Variants in INO80C observed in about 807,000 individuals in gnomAD.
INO80C encodes IES6 homolog.
INO80C carries 17 observed loss-of-function variants against 17.7 expected under a neutral mutation model. The observed-to-expected ratio is 0.96, with a 90% CI of 0.66 to 1.44. The LOEUF is 1.44. INO80C is among the 40% of genes most tolerant of loss of function. The pLI is 0.00. For missense variants in INO80C, 244 were observed against 245.0 expected (o/e 1.00, Z 0.03); for synonymous variants, 96 against 95.8 (o/e 1.00, Z -0.01).
At chr18:35,497,673 C>A in intron 1 of INO80C, 46 bp downstream of exon 1, 1 of 1,585,310 alleles carries the variant, frequency 6.3e-7, no homozygotes, top group Non-Finnish European at 8.6e-7. Context: ...CCCGCCAAGT[C>A]CCGTTTCGCG....
chr18:35,485,503 C>A (rs72959002), intron 1 of INO80C, among the ~76,000 whole-genome samples: 5,519 of 152,204 alleles, frequency 0.036, 134 homozygotes, highest in Non-Finnish European at 0.054. Flanking sequence ...CAATGAAATT[C>A]CAGTGCACAC....
intron 1 of INO80C, chr18:35,497,259 CA>C (rs914711975): frequency 1.0e-5 from 9 of 897,208 alleles, no homozygotes; most frequent in African/African-American, 5.4e-5. Flanking sequence ...AACCCAGGGT[CA>C]AAAAAGCACT....
At position 35,468,643 on chromosome 18, in the gene INO80C, C is replaced by T; in HGVS notation, c.547G>A (p.Ala183Thr). 6.2e-7 allele frequency: 1 copy of T among 1,614,046 alleles called. No homozygotes were observed. Among genetic ancestry groups the T allele is most frequent in the Non-Finnish European group, 8.5e-7 (1 of 1,179,982 alleles). ...LPSDVVTGYL[A>T]LRKATSIVP Reference sequence around the variant, plus strand: ...ACGATGCTCGTGGCCTTCCTCAGGGCCAGGTAGCCGGTGACGACGTCAGAG... The same window carrying T: ...ACGATGCTCGTGGCCTTCCTCAGGGTCAGGTAGCCGGTGACGACGTCAGAG... Residue 183 changes from alanine to threonine, a missense_variant, in exon 5 of 5, where the codon GCC becomes ACC. Coordinates refer to ENST00000334598, the MANE Select transcript of INO80C (RefSeq NM_194281.4).
chr18:35,488,452 A>G (rs911800646), intron 1 of INO80C, among the ~76,000 whole-genome samples: 2 of 151,956 alleles, frequency 1.3e-5, no homozygotes, highest in Admixed American at 6.6e-5. Context: ...CCAGGCTTGG[A>G]GCTTGCACTC....
intron 1 of INO80C, among the ~76,000 whole-genome samples, chr18:35,494,594 T>C (rs355333): frequency 0.75 from 114,529 of 152,108 alleles, 43,289 homozygotes; most frequent in East Asian, 0.98. Context: ...ACAGGGGCCC[T>C]GCAGTCCTGC....
chr18:35,487,008 G>A (rs1342826785), intron 1 of INO80C, among the ~76,000 whole-genome samples: 1 of 152,016 alleles, frequency 6.6e-6, no homozygotes, highest in African/African-American at 2.4e-5. Flanking sequence ...AATAAAATAG[G>A]CTATTTATAG....
At chr18:35,474,787 T>C (rs935229088) in intron 4 of INO80C, among the ~76,000 whole-genome samples, 2 of 152,108 alleles carry the variant, frequency 1.3e-5, no homozygotes, top group South Asian at 2.1e-4. Flanking sequence ...ATTAGAGAGA[T>C]AAACGATGCT....
At chr18:35,488,606 T>G (rs355323) in intron 1 of INO80C, among the ~76,000 whole-genome samples, 3 of 152,016 alleles carry the variant, frequency 2.0e-5, no homozygotes, top group African/African-American at 4.8e-5. Context: ...CACTAGGCAC[T>G]GGGCCTGTGA....
intron 1 of INO80C, chr18:35,489,375 GA>G: frequency 3.8e-6 from 1 of 260,324 alleles, no homozygotes; most frequent in South Asian, 3.6e-5. Flanking sequence ...GGTGGAAGGC[GA>G]AAGGCACGTC....
Position 35,478,335 on chromosome 18 carries a change from C to T in INO80C, c.394G>A (p.Ala132Thr), listed in dbSNP as rs779242532. ...LNDPNYFSID[A>T]PPSFKPAKKY... ...TTAGCTGGCTTAAAGGATGGAGGAG[C>T]ATCAATACTGAAGTCTGGGAAAAAA... Residue 132 changes from alanine (A) to threonine (T), a missense_variant, in exon 4 of 5, where the codon GCT (alanine) becomes ACT (threonine). Physicochemically the swap from Ala to Thr is moderately conservative, Grantham distance 58 (BLOSUM62 0). Coordinates refer to ENST00000334598, the MANE Select transcript of INO80C (RefSeq NM_194281.4). 1 of 1,551,090 alleles carries T rather than the reference C, an allele frequency of 6.4e-7. No homozygotes were observed. Among genetic ancestry groups the T allele is most frequent in the South Asian group, 1.2e-5 (1 of 86,778 alleles).
rs58465669 is a variant in INO80C, at chr18:35,474,207, C to CTATATATATATATATA, written c.447+4059_447+4074dup. Among the ~76,000 whole-genome samples, 110 of 58,044 alleles carry CTATATATATATATATA rather than the reference C, an allele frequency of 1.9e-3. 8 individuals are homozygous for CTATATATATATATATA. The highest frequency in any genetic ancestry group is 2.8e-3 in the Non-Finnish European group (84 of 30,096). The allele number at this position is 58,044 out of a possible 152,430, so 38.1% of individuals were successfully genotyped here. A position where few individuals can be genotyped will look rare whatever the true frequency, so the allele number is the denominator to read the frequency against. On this transcript the variant is annotated intron_variant, in intron 4 of 4. Coordinates refer to ENST00000334598, the MANE Select transcript of INO80C (RefSeq NM_194281.4). The stretch of plus-strand genomic sequence containing the variant: ...TATATGTGTATATGTGTGTGTGTGT[C>CTATATATATATATATA]TATATATATATATATATATATATAT...
intron 1 of INO80C, among the ~76,000 whole-genome samples, chr18:35,486,563 A>G (rs2045876336): frequency 6.6e-6 from 1 of 152,204 alleles, no homozygotes; most frequent in Admixed American, 6.5e-5. Context: ...TAAAAGAAGG[A>G]ATGAATAAAG....
intron 3 of INO80C, chr18:35,478,970 T>A: frequency 4.5e-6 from 1 of 221,448 alleles, no homozygotes; most frequent in Non-Finnish European, 8.9e-6. Context: ...CTAAATCTGG[T>A]ATTATACTTG....
chr18:35,491,915 G>C (rs1007795853), intron 1 of INO80C, among the ~76,000 whole-genome samples: 2 of 152,160 alleles, frequency 1.3e-5, no homozygotes, highest in Non-Finnish European at 2.9e-5. Context: ...AAGTCTCAGG[G>C]AAGAGAAATC....
rs375954359 is a variant in INO80C, at chr18:35,497,856, T to G, written c.19A>C (p.Ile7Leu). 5.7e-6 allele frequency: 9 copies of G among 1,580,256 alleles called. No individual in the cohort carries two copies. The highest frequency in any genetic ancestry group is 3.4e-4 in the Middle Eastern group (2 of 5,968). The part of the protein sequence containing the change: MAAQIP[I>L]VATTSTPGIV... ...CCGGGAGTGGAAGTGGTGGCCACAA[T>G]TGGAATTTGCGCCGCCATCGCACTC... Residue 7 changes from isoleucine to leucine, a missense_variant, in exon 1 of 5, where the codon ATT (isoleucine) becomes CTT (leucine). Physicochemically the swap from Ile to Leu is conservative, Grantham distance 5. Transcript: ENST00000334598.
chr18:35,497,639 G>C lies in INO80C; in HGVS notation c.156+80C>G. 4 of 1,516,078 alleles carry C rather than the reference G, an allele frequency of 2.6e-6. No individual in the cohort carries two copies. In the South Asian group the frequency reaches 3.8e-5, roughly 14 times the overall value. The allele number at this position is 1,516,078 out of a possible 1,614,324, so 93.9% of individuals were successfully genotyped here. A position where few individuals can be genotyped will look rare whatever the true frequency, so the allele number is the denominator to read the frequency against. On this transcript the variant is annotated intron_variant, in intron 1 of 4. Transcript: ENST00000334598. ...CCGCACGCGCAGCGCCCCACATTAC[G>C]CACGCGCCCTGGCTCGGCTCCGCCC...
intron 1 of INO80C, among the ~76,000 whole-genome samples, chr18:35,489,756 T>C (rs61395027): frequency 0.014 from 2,177 of 152,264 alleles, 58 homozygotes; most frequent in African/African-American, 0.05. Context: ...ATATCAGTGT[T>C]GTATCAGAGT....
chr18:35,489,655 A>G (rs1410614888), intron 1 of INO80C, among the ~76,000 whole-genome samples: 1 of 152,244 alleles, frequency 6.6e-6, no homozygotes, highest in Non-Finnish European at 1.5e-5. Flanking sequence ...TGATTACAGG[A>G]GACTAAAAAG....
intron 4 of INO80C, among the ~76,000 whole-genome samples, chr18:35,469,313 T>G (rs970335724): frequency 6.6e-6 from 1 of 152,220 alleles, no homozygotes; most frequent in African/African-American, 2.4e-5. Context: ...ATTCTGATCA[T>G]GTCATTCCTC....
Sources: allele counts gnomAD v4.1 joint callset (sites outside exome capture counted in the v4.1 genomes callset), GRCh38; gene constraint gnomAD v4.1.1; transcripts MANE v1.5; gene names NCBI Gene and HGNC (gene_info 2026-07-23, HGNC 2026-07-21).